SEMA3D: variants seen among roughly 807,000 people sequenced by gnomAD.
SEMA3D encodes the protein semaphorin 3D.
In SEMA3D, 84 loss-of-function variants were observed where a neutral mutation model predicts 100.1. The ratio of observed to expected loss-of-function variants is 0.84; its 90% CI spans 0.70 to 1.01. The LOEUF is 1.01. Among genes scored for constraint, SEMA3D ranks in the 50% least tolerant of loss-of-function variants. The pLI, the probability that SEMA3D is intolerant of heterozygous loss-of-function variation, is 0.00. For missense variants in SEMA3D, 875 were observed against 934.1 expected (o/e 0.94, Z 0.82); for synonymous variants, 312 against 320.7 (o/e 0.97, Z 0.29).
At chr7:85,010,173 C>A (rs954894068) in intron 17 of SEMA3D, among the ~76,000 whole-genome samples, 4 of 151,664 alleles carry the variant, frequency 2.6e-5, no homozygotes, top group African/African-American at 9.7e-5. Flanking sequence ...AAGGCAGCAA[C>A]CCATTGATGC....
At chr7:85,045,906 G>A (rs1164821084) in intron 9 of SEMA3D, among the ~76,000 whole-genome samples, 1 of 151,720 alleles carries the variant, frequency 6.6e-6, no homozygotes, top group African/African-American at 2.4e-5. Context: ...AAGAGCACTA[G>A]TAAAAACATT....
chr7:85,130,228 C>G (rs1789687268), intron 2 of SEMA3D, among the ~76,000 whole-genome samples: 1 of 152,080 alleles, frequency 6.6e-6, no homozygotes, highest in African/African-American at 2.4e-5. Flanking sequence ...AACTCAGCAA[C>G]TATCAATAAC....
the SEMA3D span, among the ~76,000 whole-genome samples, chr7:85,238,941 G>A: frequency 6.6e-6 from 1 of 151,660 alleles, no homozygotes; most frequent in Non-Finnish European, 1.5e-5. Flanking sequence ...TTTTATTTGG[G>A]CAGTACTAAT....
intron 1 of SEMA3D, among the ~76,000 whole-genome samples, chr7:85,170,031 T>C (rs1791044484): frequency 6.6e-6 from 1 of 151,824 alleles, no homozygotes; most frequent in South Asian, 2.1e-4. Context: ...GAGATGTGAT[T>C]TGGTTTTTAA....
At chr7:85,101,280 T>C (rs960956346) in intron 3 of SEMA3D, among the ~76,000 whole-genome samples, 3 of 152,068 alleles carry the variant, frequency 2.0e-5, no homozygotes, top group African/African-American at 7.2e-5. Flanking sequence ...GGGTTTATTT[T>C]GACCCAACTA....
intron 4 of SEMA3D, 100 bp from the exon 5 acceptor site, chr7:85,081,679 GT>G: frequency 1.3e-6 from 1 of 769,320 alleles, no homozygotes; most frequent in Non-Finnish European, 2.2e-6. Flanking sequence ...TGAAGAATGA[GT>G]ATTAAGCATG....
At chr7:85,225,777 T>C in the SEMA3D span, among the ~76,000 whole-genome samples, 6 of 151,978 alleles carry the variant, frequency 3.9e-5, no homozygotes, top group African/African-American at 1.2e-4. Context: ...CCCCTAGAGG[T>C]ATGAGCAGTG....
intron 9 of SEMA3D, among the ~76,000 whole-genome samples, chr7:85,053,119 A>G (rs1791212890): frequency 6.6e-6 from 1 of 152,050 alleles, no homozygotes; most frequent in Non-Finnish European, 1.5e-5. Context: ...CAAATGAACT[A>G]TAACAGCAAG....
chr7:85,184,414 T>A (rs1791484766), intron 1 of SEMA3D, among the ~76,000 whole-genome samples: 1 of 152,202 alleles, frequency 6.6e-6, no homozygotes, highest in Non-Finnish European at 1.5e-5. Context: ...ACAATTTTTT[T>A]TTAAGAATTA....
intron 3 of SEMA3D, among the ~76,000 whole-genome samples, chr7:85,116,053 A>G (rs1003866172): frequency 6.6e-6 from 1 of 151,814 alleles, no homozygotes; most frequent in Non-Finnish European, 1.5e-5. Flanking sequence ...GTATTTACCC[A>G]ATGACTCATG....
intron 5 of SEMA3D, among the ~76,000 whole-genome samples, chr7:85,076,782 GA>G (rs1462065733): frequency 1.3e-5 from 2 of 152,086 alleles, no homozygotes; most frequent in Admixed American, 6.6e-5. Flanking sequence ...AGGATGCAGA[GA>G]TCAGTTTAGG....
chr7:85,241,976 T>C, the SEMA3D span, among the ~76,000 whole-genome samples: 2 of 151,892 alleles, frequency 1.3e-5, no homozygotes, highest in African/African-American at 4.8e-5. Flanking sequence ...GGAATGTAAA[T>C]TCATACAACC....
chr7:85,061,407 C>T (rs956729786), intron 8 of SEMA3D, among the ~76,000 whole-genome samples: 1 of 152,090 alleles, frequency 6.6e-6, no homozygotes, highest in African/African-American at 2.4e-5. Flanking sequence ...CCATGCACAC[C>T]TGTATCAAGA....
chr7:85,121,022 C>T (rs1447956580), intron 3 of SEMA3D, among the ~76,000 whole-genome samples: 1 of 152,012 alleles, frequency 6.6e-6, no homozygotes, highest in Non-Finnish European at 1.5e-5. Flanking sequence ...ATTCAAATTG[C>T]CAGCATAATT....
At chr7:85,207,282 C>A in the SEMA3D span, among the ~76,000 whole-genome samples, 1 of 152,002 alleles carries the variant, frequency 6.6e-6, no homozygotes, top group African/African-American at 2.4e-5. Flanking sequence ...GGCTTTATAA[C>A]TGCCTTCTCG....
chr7:85,188,467 ACATAGT>A (rs1215606590), upstream of SEMA3D, among the ~76,000 whole-genome samples: 68 of 152,202 alleles, frequency 4.5e-4, no homozygotes, highest in African/African-American at 1.6e-3. Context: ...CTCATTCTGT[ACATAGT>A]CATGCAATTG....
chr7:85,197,583 C>T, the SEMA3D span, among the ~76,000 whole-genome samples: 2 of 151,876 alleles, frequency 1.3e-5, no homozygotes. Context: ...CAAGCTGCAC[C>T]CCGACCACCT....
rs1254418528 is a variant in SEMA3D at position 85,115,311 on chromosome 7, T to C, written c.151+6430A>G. ...TGCTCAATCTCTCAGTATCTCGGTA[T>C]CCTCATACATAAGAAAGGGGTGATA... On this transcript the variant is annotated intron_variant, in intron 3 of 18. Transcript: ENST00000284136. Among the ~76,000 whole-genome samples the C allele has an allele frequency of 1.3e-5, 2 of 152,134 alleles. 1 individual carries two copies. Among genetic ancestry groups the C allele is most frequent in the African/African-American group, 4.8e-5 (2 of 41,444 alleles).
intron 9 of SEMA3D, among the ~76,000 whole-genome samples, chr7:85,049,859 G>A (rs781674106): frequency 1.3e-4 from 20 of 151,758 alleles, no homozygotes; most frequent in Non-Finnish European, 2.4e-4. Context: ...CCTGGCATGG[G>A]GAAAGGAAAT....
Sources: allele counts gnomAD v4.1 joint callset (sites outside exome capture counted in the v4.1 genomes callset), GRCh38; gene constraint gnomAD v4.1.1; transcripts MANE v1.5; gene names NCBI Gene and HGNC (gene_info 2026-07-23, HGNC 2026-07-21).